Variants in AK7 observed in about 807,000 individuals in gnomAD.
AK7 encodes ATP-AMP transphosphorylase 7.
In AK7, 78 loss-of-function variants were observed where a neutral mutation model predicts 96.6. The observed-to-expected ratio is 0.81, with a 90% CI of 0.67 to 0.97. AK7 has a LOEUF of 0.97. Among genes scored for constraint, AK7 ranks in the 50% least tolerant of loss-of-function variants. The pLI is 0.00. For missense variants in AK7, 855 were observed against 887.9 expected (o/e 0.96, Z 0.47); for synonymous variants, 302 against 317.2 (o/e 0.95, Z 0.51).
intron 6 of AK7, among the ~76,000 whole-genome samples, chr14:96,440,300 T>C (rs1892895968): frequency 6.6e-6 from 1 of 152,114 alleles, no homozygotes; most frequent in Non-Finnish European, 1.5e-5. Context: ...ATACAAGAGA[T>C]ATGACAGTTG....
intron 6 of AK7, 130 bp downstream of exon 6, chr14:96,438,045 G>T: frequency 3.1e-6 from 2 of 638,158 alleles, no homozygotes; most frequent in South Asian, 2.4e-5. Flanking sequence ...GGCAAGTATG[G>T]ATGTCACCAC....
chr14:96,417,978 AAAT>A (rs1891441365), intron 4 of AK7, among the ~76,000 whole-genome samples: 1 of 152,140 alleles, frequency 6.6e-6, no homozygotes, highest in African/African-American at 2.4e-5. Flanking sequence ...ATATGTATCA[AAAT>A]ATTAAATTAA....
intron 5 of AK7, among the ~76,000 whole-genome samples, chr14:96,421,810 T>G (rs1891716099): frequency 6.6e-6 from 1 of 152,150 alleles, no homozygotes; most frequent in Non-Finnish European, 1.5e-5. Flanking sequence ...TTCCACCATG[T>G]TAGCCAGGAT....
intron 5 of AK7, among the ~76,000 whole-genome samples, chr14:96,436,490 C>T (rs1892642480): frequency 6.6e-6 from 1 of 152,014 alleles, no homozygotes; most frequent in South Asian, 2.1e-4. Flanking sequence ...ATTAAAAGTA[C>T]AAAAATTACC....
chr14:96,425,667 A>T (rs2140053829), intron 5 of AK7, among the ~76,000 whole-genome samples: 1 of 152,116 alleles, frequency 6.6e-6, no homozygotes, highest in East Asian at 1.9e-4. Context: ...ATTTTTTAGT[A>T]GAGACAGGGT....
intron 5 of AK7, among the ~76,000 whole-genome samples, chr14:96,431,247 G>T (rs1206808484): frequency 2.0e-5 from 3 of 151,906 alleles, no homozygotes; most frequent in African/African-American, 7.3e-5. Context: ...GTTTTTTTGT[G>T]TCTCTGTCTC....
intron 16 of AK7, among the ~76,000 whole-genome samples, chr14:96,484,227 G>A (rs1566815824): frequency 6.6e-6 from 1 of 152,126 alleles, no homozygotes; most frequent in Non-Finnish European, 1.5e-5. Context: ...GGATGACAGA[G>A]TGAGACCCTG....
intron 5 of AK7, among the ~76,000 whole-genome samples, chr14:96,432,126 C>T (rs1009341806): frequency 4.0e-5 from 6 of 151,754 alleles, no homozygotes; most frequent in Non-Finnish European, 2.9e-5. Flanking sequence ...GCCGGATTGG[C>T]CAGAACTTCC....
At chr14:96,398,443 T>G (rs1890212813) in intron 2 of AK7, 180 bp downstream of exon 2, 1 of 655,612 alleles carries the variant, frequency 1.5e-6, no homozygotes, top group African/African-American at 1.8e-5. Context: ...ACTTTTAATT[T>G]TCGGCCAAAG....
intron 8 of AK7, among the ~76,000 whole-genome samples, chr14:96,449,452 G>A (rs1458521842): frequency 6.7e-6 from 1 of 150,246 alleles, no homozygotes; most frequent in Non-Finnish European, 1.5e-5. Flanking sequence ...GTTTGCTTTT[G>A]AGATGGAGTC....
chr14:96,446,345 CAT>C (rs1893231646), intron 7 of AK7, among the ~76,000 whole-genome samples, 170 bp from the exon 8 acceptor site: 2 of 152,320 alleles, frequency 1.3e-5, no homozygotes, highest in South Asian at 4.1e-4. Flanking sequence ...GCATCTTCCT[CAT>C]GTGGAGAATG....
At chr14:96,398,756 G>A (rs1890235569) in intron 2 of AK7, 1 of 169,280 alleles carries the variant, frequency 5.9e-6, no homozygotes, top group Admixed American at 5.5e-5. Context: ...AACATCCTTT[G>A]GTAATGCACC....
chr14:96,458,397 A>G (rs1346929651), intron 12 of AK7, among the ~76,000 whole-genome samples, 185 bp downstream of exon 12: 2 of 152,018 alleles, frequency 1.3e-5, no homozygotes, highest in African/African-American at 4.8e-5. Flanking sequence ...GGAGTTTGAG[A>G]CCAGCCTGAG....
chr14:96,409,060 A>G lies in AK7; in HGVS notation c.498+119A>G, dbSNP rs1032902785. ...TTCTCCCACTCCTGAATCCTATCCC[A>G]TAATAAGCACCCAGCAGAGTTTACT... On this transcript the variant is annotated intron_variant, in intron 4 of 17. Transcript: ENST00000267584. 4.2e-6 allele frequency: 4 copies of G among 952,122 alleles called. No homozygotes were observed. The African/African-American group carries it at 6.6e-5, about 16-fold the overall frequency. The allele number at this position is 952,122 out of a possible 1,614,324, so 59.0% of individuals were successfully genotyped here. A position where few individuals can be genotyped will look rare whatever the true frequency, so the allele number is the denominator to read the frequency against.
chr14:96,394,006 G>A (rs1889907299), intron 1 of AK7, among the ~76,000 whole-genome samples: 1 of 152,082 alleles, frequency 6.6e-6, no homozygotes, highest in South Asian at 2.1e-4. Flanking sequence ...CTGCTCTGGA[G>A]GCTGAGGCAG....
intron 16 of AK7, among the ~76,000 whole-genome samples, chr14:96,485,886 C>T (rs980887076): frequency 4.0e-5 from 6 of 151,512 alleles, no homozygotes; most frequent in East Asian, 1.9e-4. Context: ...AGCTCCGCCT[C>T]CCCGGTTCAC....
At position 96,399,557 on chromosome 14, in the gene AK7, AC is replaced by A. The variant is rs951303193; in HGVS notation, c.294+1299del. Among the ~76,000 whole-genome samples the A allele has an allele frequency of 6.6e-6, 1 of 150,996 alleles. No individual in the cohort carries two copies. The highest frequency in any genetic ancestry group is 1.5e-5 in the Non-Finnish European group (1 of 67,734). ...CCGCATTTGCAGGTCTCACCCCTTC[AC>A]CCCCGCCATTCACTGGTCTATCCAA... On this transcript the variant is annotated intron_variant, in intron 2 of 17. Transcript: ENST00000267584. The surrounding 1 kb of genome is among the most constrained non-coding windows in gnomAD (Gnocchi z 4.1).
At chr14:96,444,089 G>A (rs956708732) in intron 7 of AK7, among the ~76,000 whole-genome samples, 1 of 151,982 alleles carries the variant, frequency 6.6e-6, no homozygotes, top group Non-Finnish European at 1.5e-5. Context: ...AACTCATAAT[G>A]TTTTAAGAAA....
chr14:96,479,013 A>AT (rs1895356519), intron 15 of AK7, among the ~76,000 whole-genome samples: 1 of 151,842 alleles, frequency 6.6e-6, no homozygotes, highest in Admixed American at 6.6e-5. Context: ...GGTTCAAGCA[A>AT]TTCTCCTGCC....
Sources: allele counts gnomAD v4.1 joint callset (sites outside exome capture counted in the v4.1 genomes callset), GRCh38; gene constraint gnomAD v4.1.1; non-coding constraint Gnocchi (gnomAD v3.1); transcripts MANE v1.5; gene names NCBI Gene and HGNC (gene_info 2026-07-23, HGNC 2026-07-21).